Variants in PDE10A observed in about 807,000 individuals in gnomAD.
PDE10A encodes the protein phosphodiesterase 10A.
In PDE10A, 39 loss-of-function variants were observed where a neutral mutation model predicts 97.7. The observed-to-expected ratio is 0.40, with a 90% confidence interval of 0.31 to 0.52. The LOEUF (loss-of-function observed/expected upper bound fraction) is 0.52, where lower values mean the gene tolerates loss of function less well. Ranked by LOEUF, PDE10A falls within the 20% of genes least tolerant of loss-of-function variation. The probability of loss-of-function intolerance (pLI) is 0.56; values close to 1 mark genes in which losing one functional copy is unlikely to be tolerated. For synonymous variants in PDE10A, 371 were observed against 376.8 expected (o/e 0.98, Z 0.18); for missense variants, 731 against 1,047.8 (o/e 0.70, Z 4.17).
chr6:165,647,862 T>C (rs1235456217), intron 1 of PDE10A, among the ~76,000 whole-genome samples: 1 of 152,218 alleles, frequency 6.6e-6, no homozygotes, highest in East Asian at 1.9e-4. Context: ...TTGCAAACAC[T>C]TGCTATATAT....
At chr6:165,961,423 C>G (rs973033429) in intron 1 of PDE10A, among the ~76,000 whole-genome samples, 1 of 152,216 alleles carries the variant, frequency 6.6e-6, no homozygotes, top group South Asian at 2.1e-4. Context: ...AAATGCTAAG[C>G]CCGCCTTAGC....
intron 1 of PDE10A, among the ~76,000 whole-genome samples, chr6:165,951,609 A>G (rs1038440551): frequency 6.6e-6 from 1 of 152,002 alleles, no homozygotes; most frequent in Non-Finnish European, 1.5e-5. Flanking sequence ...GTCCTCTTCC[A>G]TCTGGCTCCA....
intron 1 of PDE10A, among the ~76,000 whole-genome samples, chr6:165,566,551 C>T (rs1016239019): frequency 3.9e-5 from 6 of 152,040 alleles, no homozygotes; most frequent in African/African-American, 1.4e-4. Flanking sequence ...GAAATGAACG[C>T]CAGAAAACAT....
intron 1 of PDE10A, among the ~76,000 whole-genome samples, chr6:165,982,834 C>T (rs1023880838): frequency 1.3e-5 from 2 of 152,122 alleles, no homozygotes; most frequent in Non-Finnish European, 2.9e-5. Flanking sequence ...CATTGTAACA[C>T]AATCTTATGT....
At chr6:165,747,496 C>T (rs1406349090) in intron 1 of PDE10A, among the ~76,000 whole-genome samples, 1 of 152,140 alleles carries the variant, frequency 6.6e-6, no homozygotes, top group Non-Finnish European at 1.5e-5. Context: ...AATGAGATAA[C>T]ATCACATTGC....
intron 1 of PDE10A, among the ~76,000 whole-genome samples, chr6:165,804,190 G>A (rs1322748601): frequency 6.6e-6 from 1 of 152,150 alleles, no homozygotes; most frequent in East Asian, 1.9e-4. Flanking sequence ...ATGGAAATAG[G>A]TGTATTTGGG....
intron 1 of PDE10A, among the ~76,000 whole-genome samples, chr6:165,636,741 G>A (rs1788898272): frequency 6.6e-6 from 1 of 152,160 alleles, no homozygotes; most frequent in Non-Finnish European, 1.5e-5. Context: ...AGTACTAATT[G>A]GAGGTGCAGA....
At chr6:165,908,405 G>T (rs2128485794) in intron 1 of PDE10A, among the ~76,000 whole-genome samples, 1 of 152,338 alleles carries the variant, frequency 6.6e-6, no homozygotes, top group African/African-American at 2.4e-5. Context: ...GGAGAAACAT[G>T]GAGAAAAGAG....
At chr6:165,880,501 G>T (rs1349750957) in intron 1 of PDE10A, among the ~76,000 whole-genome samples, 2 of 152,212 alleles carry the variant, frequency 1.3e-5, no homozygotes, top group African/African-American at 4.8e-5. Context: ...GCTGGATGCA[G>T]AGAAGTGTCT....
chr6:165,951,576 C>A (rs753596337), intron 1 of PDE10A, among the ~76,000 whole-genome samples: 2 of 152,146 alleles, frequency 1.3e-5, no homozygotes, highest in Admixed American at 1.3e-4. Context: ...GGGTGAACTT[C>A]CAATGGGACC....
chr6:165,896,680 A>G (rs1354151887), intron 1 of PDE10A, among the ~76,000 whole-genome samples: 1 of 151,930 alleles, frequency 6.6e-6, no homozygotes, highest in South Asian at 2.1e-4. Flanking sequence ...GCCCACCACC[A>G]TGCCCTGCTA....
At chr6:165,354,585 A>G (rs1782904569) in intron 18 of PDE10A, among the ~76,000 whole-genome samples, 1 of 152,214 alleles carries the variant, frequency 6.6e-6, no homozygotes, top group Non-Finnish European at 1.5e-5. Context: ...AGTTATTTCT[A>G]CAACTGAGGT....
intron 1 of PDE10A, among the ~76,000 whole-genome samples, chr6:165,612,772 C>T (rs1787557686): frequency 6.6e-6 from 1 of 152,214 alleles, no homozygotes; most frequent in Non-Finnish European, 1.5e-5. Context: ...TGTCTCGCCT[C>T]ACCACATATC....
intron 3 of PDE10A, among the ~76,000 whole-genome samples, chr6:165,476,244 T>C (rs1779290343): frequency 6.6e-6 from 1 of 151,954 alleles, no homozygotes. Context: ...TGGGATGTCG[T>C]GTGAGACGGA....
intron 1 of PDE10A, among the ~76,000 whole-genome samples, chr6:165,758,785 G>T (rs555879089): frequency 1.0e-3 from 153 of 152,214 alleles, no homozygotes; most frequent in African/African-American, 3.6e-3. Context: ...CTCTAAAAAG[G>T]TTCTTCCATT....
chr6:165,528,569 T>C (rs1049934131), intron 2 of PDE10A, among the ~76,000 whole-genome samples: 2 of 152,228 alleles, frequency 1.3e-5, no homozygotes, highest in African/African-American at 4.8e-5. Context: ...CTCAATGGAA[T>C]AGACACTTAC....
chr6:165,445,327 G>A lies in PDE10A; in HGVS notation c.1194+3601C>T, dbSNP rs552491982. Reference sequence around the variant, plus strand: ...CTTTGCTGGGCTGAGAAGAATGGAAGGAATCCACAGAAATCTAAAAGGAAG... The same window carrying A: ...CTTTGCTGGGCTGAGAAGAATGGAAAGAATCCACAGAAATCTAAAAGGAAG... On this transcript the variant is annotated intron_variant, in intron 5 of 21. Coordinates refer to ENST00000539869, the MANE Select transcript of PDE10A (RefSeq NM_001385079.1). 1.4e-4 allele frequency among the ~76,000 whole-genome samples: 22 copies of A among 152,234 alleles called. No homozygotes were observed. The South Asian group carries it at 3.5e-3, about 24-fold the overall frequency.
At chr6:165,334,270 C>T (rs770111486) in intron 21 of PDE10A, among the ~76,000 whole-genome samples, 22 of 152,144 alleles carry the variant, frequency 1.4e-4, no homozygotes, top group Admixed American at 1.2e-3. Context: ...AAGGCACCTC[C>T]ATAGCGCCCT....
intron 1 of PDE10A, among the ~76,000 whole-genome samples, chr6:165,601,943 T>C (rs7762160): frequency 0.36 from 55,373 of 152,038 alleles, 10,383 homozygotes; most frequent in Middle Eastern, 0.54. Flanking sequence ...CAAAGAGCCA[T>C]GGGAAAAATC....
Sources: allele counts gnomAD v4.1 joint callset (sites outside exome capture counted in the v4.1 genomes callset), GRCh38; gene constraint gnomAD v4.1.1; transcripts MANE v1.5; gene names NCBI Gene and HGNC (gene_info 2026-07-23, HGNC 2026-07-21).